Variants in NMU observed in about 807,000 individuals in gnomAD.
NMU encodes neuromedin-U.
A neutral mutation model predicts 35.4 loss-of-function variants in NMU; 29 were observed. The ratio of observed to expected loss-of-function variants is 0.82; its 90% CI spans 0.61 to 1.12. The LOEUF (loss-of-function observed/expected upper bound fraction) is 1.12. Ranked by LOEUF, NMU falls within the 50% of genes most tolerant of loss-of-function variation. NMU has a pLI of 0.00. For synonymous variants in NMU, 78 were observed against 81.3 expected (o/e 0.96, Z 0.22); for missense variants, 199 against 206.2 (o/e 0.97, Z 0.21).
intron 1 of NMU, among the ~76,000 whole-genome samples, chr4:55,634,955 T>TA (rs1715821911): frequency 6.6e-6 from 1 of 152,082 alleles, no homozygotes; most frequent in Admixed American, 6.5e-5. Context: ...AGGAGAATAA[T>TA]AAAAATACAT....
intron 3 of NMU, among the ~76,000 whole-genome samples, chr4:55,614,666 T>A (rs1040534697): frequency 3.9e-5 from 6 of 152,200 alleles, no homozygotes; most frequent in African/African-American, 1.4e-4. Context: ...ACTAAGCTCC[T>A]CTTGAAAGAG....
chr4:55,602,167 T>C (rs1274754530), intron 7 of NMU, among the ~76,000 whole-genome samples: 1 of 152,164 alleles, frequency 6.6e-6, no homozygotes, highest in Non-Finnish European at 1.5e-5. Flanking sequence ...TAGAGCATCA[T>C]ATAAAATAAT....
At chr4:55,596,187 A>G (rs1303282816) in intron 9 of NMU, among the ~76,000 whole-genome samples, 3 of 152,158 alleles carry the variant, frequency 2.0e-5, no homozygotes. Flanking sequence ...CTAAATAAAT[A>G]TAGGTCATCA....
rs1249067129 is a variant in NMU, at chr4:55,636,108, G to C, written c.85C>G (p.Leu29Val). 7 of 1,466,600 alleles carry C rather than the reference G, an allele frequency of 4.8e-6. No individual in the cohort carries two copies. Among genetic ancestry groups the C allele is most frequent in the Non-Finnish European group, 6.3e-6 (7 of 1,106,944 alleles). 90.8% of individuals were successfully genotyped at this position (1,466,600 alleles called of 1,614,324 possible). Residue 29 changes from leucine (L) to valine (V), a missense_variant, in exon 1 of 10, where the codon CTC becomes GTC. Transcript: ENST00000264218. The surrounding 1 kb of genome is among the most constrained non-coding windows in gnomAD (Gnocchi z 4.0). ...ASPLLLLLLL[L>V]AWCAGACRGA... Reference sequence around the variant, plus strand: ...CGGCAGGCGCCCGCGCACCAGGCGAGCAGCAGCAGCAGCAGCAGGAGCGGG... The same window carrying C: ...CGGCAGGCGCCCGCGCACCAGGCGACCAGCAGCAGCAGCAGCAGGAGCGGG...
chr4:55,605,404 A>G, intron 6 of NMU, 55 bp from the exon 7 acceptor site: 1 of 1,220,330 alleles, frequency 8.2e-7, no homozygotes, highest in Non-Finnish European at 1.2e-6. Flanking sequence ...AGCAGTGGCC[A>G]TCAAGACGGT....
chr4:55,634,783 G>A (rs1000618811), intron 1 of NMU, among the ~76,000 whole-genome samples: 2 of 152,096 alleles, frequency 1.3e-5, no homozygotes, highest in Non-Finnish European at 2.9e-5. Flanking sequence ...ATCACTACTG[G>A]CTATGTGGAG....
intron 7 of NMU, among the ~76,000 whole-genome samples, chr4:55,601,532 A>G (rs772436432): frequency 6.6e-6 from 1 of 152,172 alleles, no homozygotes; most frequent in East Asian, 1.9e-4. Context: ...AAAAATCTGT[A>G]TTTAAAAATG....
At chr4:55,629,397 G>A (rs1734669452) in intron 2 of NMU, among the ~76,000 whole-genome samples, 1 of 151,574 alleles carries the variant, frequency 6.6e-6, no homozygotes. Context: ...GAGGTGGGTG[G>A]ATCATGAGGT....
At chr4:55,632,687 C>T (rs1309601601) in intron 1 of NMU, among the ~76,000 whole-genome samples, 1 of 152,156 alleles carries the variant, frequency 6.6e-6, no homozygotes, top group Non-Finnish European at 1.5e-5. Context: ...AAATGAGATT[C>T]TGTTTGACAC....
chr4:55,618,854 TTC>T (rs774425529), intron 2 of NMU, among the ~76,000 whole-genome samples: 1 of 150,628 alleles, frequency 6.6e-6, no homozygotes, highest in African/African-American at 2.4e-5. Flanking sequence ...TCTTTCTTTC[TTC>T]TCTCTCTCTT....
intron 2 of NMU, among the ~76,000 whole-genome samples, chr4:55,625,169 T>TAAAA (rs760890031): frequency 7.0e-4 from 69 of 98,320 alleles, no homozygotes; most frequent in African/African-American, 9.0e-4. Flanking sequence ...AAAGTATAAT[T>TAAAA]AAAAAAAAAA....
In NMU at chr4:55,604,679, A is replaced by ATTTTTTTTTTTTTT. The variant is rs767568542; in HGVS notation, c.435+582_435+595dup. On this transcript the variant is annotated intron_variant, in intron 7 of 9. Transcript: ENST00000264218. ...AGGCATGCGCCAATATGCCTGGCTA[A>ATTTTTTTTTTTTTT]TTTTTTTTTTTTTTTTTTTTTTTTT... is the stretch of plus-strand genomic sequence containing the variant. Among the ~76,000 whole-genome samples, 258 of 47,606 alleles carry ATTTTTTTTTTTTTT rather than the reference A, an allele frequency of 5.4e-3. 5 individuals are homozygous for ATTTTTTTTTTTTTT. Among genetic ancestry groups the ATTTTTTTTTTTTTT allele is most frequent in the African/African-American group, 6.1e-3 (52 of 8,584 alleles). The allele number at this position is 47,606 out of a possible 152,430, so 31.2% of individuals were successfully genotyped here. A position where few individuals can be genotyped will look rare whatever the true frequency, so the allele number is the denominator to read the frequency against.
At chr4:55,596,577 T>C (rs1201729058) in intron 9 of NMU, among the ~76,000 whole-genome samples, 1 of 152,076 alleles carries the variant, frequency 6.6e-6, no homozygotes, top group Non-Finnish European at 1.5e-5. Flanking sequence ...CTTTGTTCCT[T>C]GAAAAAATAC....
At chr4:55,632,522 T>A (rs1253516470) in intron 1 of NMU, among the ~76,000 whole-genome samples, 1 of 152,124 alleles carries the variant, frequency 6.6e-6, no homozygotes, top group African/African-American at 2.4e-5. Context: ...GTAAACAATC[T>A]TACACACTTC....
intron 8 of NMU, among the ~76,000 whole-genome samples, chr4:55,599,475 A>T (rs1217671640): frequency 1.3e-5 from 2 of 152,128 alleles, no homozygotes; most frequent in African/African-American, 4.8e-5. Flanking sequence ...AACATTTTAA[A>T]ACAAATGTTC....
intron 1 of NMU, among the ~76,000 whole-genome samples, chr4:55,631,634 G>C (rs1405031955): frequency 1.3e-5 from 2 of 152,090 alleles, no homozygotes; most frequent in African/African-American, 4.8e-5. Flanking sequence ...ACTCCTGCAA[G>C]AACAGCCATA....
At chr4:55,616,541 A>G (rs564376310) in intron 2 of NMU, among the ~76,000 whole-genome samples, 156 bp from the exon 3 acceptor site, 17 of 152,282 alleles carry the variant, frequency 1.1e-4, no homozygotes, top group African/African-American at 4.1e-4. Context: ...AAAACTTTAT[A>G]AGAGAGTCTT....
rs1356766437 is a variant in NMU, at chr4:55,636,161, G to A, written c.32C>T (p.Ser11Leu). The change falls in exon 1 of 10, where the codon TCG becomes TTG. Residue 11 changes from serine (S) to leucine (L), a missense_variant. Physicochemically the swap from Ser to Leu is moderately radical, Grantham distance 145. Transcript: ENST00000264218. This position sits in a 1 kb window ranked among gnomAD's most constrained non-coding sequence, Gnocchi z 4.0. MLRTESCRPR[S>L]PAGQVAAASP... ...CGCCGCGGCCACCTGTCCGGCGGGC[G>A]ACCTGGGGCGGCAGCTCTCTGTTCG... is the stretch of plus-strand genomic sequence containing the variant. 17 of 1,512,848 alleles carry A rather than the reference G, an allele frequency of 1.1e-5. No homozygotes were observed. The East Asian group carries it at 4.0e-4, about 36-fold the overall frequency. The allele number at this position is 1,512,848 out of a possible 1,614,324, so 93.7% of individuals were successfully genotyped here. A position where few individuals can be genotyped will look rare whatever the true frequency, so the allele number is the denominator to read the frequency against.
Position 55,604,015 on chromosome 4 carries a change from G to GTGTATATATACACA in NMU, c.435+1259_435+1260insTGTGTATATATACA, listed in dbSNP as rs1450268492. Among the ~76,000 whole-genome samples the GTGTATATATACACA allele has an allele frequency of 2.3e-5, 3 of 131,380 alleles. 1 individual carries two copies. The highest frequency in any genetic ancestry group is 4.8e-4 in the South Asian group (2 of 4,148). 86.2% of individuals were successfully genotyped at this position (131,380 alleles called of 152,430 possible). A position where few individuals can be genotyped will look rare whatever the true frequency, so the allele number is the denominator to read the frequency against. On this transcript the variant is annotated intron_variant, in intron 7 of 9. Transcript: ENST00000264218. Reference sequence around the variant, plus strand: ...TATATATACGTATATATGTATATATGTGTATATATATAATCCTAGAAATTA... The same window carrying GTGTATATATACACA: ...TATATATACGTATATATGTATATATGTGTATATATACACATGTATATATATAATCCTAGAAATTA...
Sources: gnomAD v4.1 joint callset for allele counts (sites outside exome capture counted in the v4.1 genomes callset) on GRCh38, gnomAD v4.1.1 for gene constraint, Gnocchi (gnomAD v3.1) non-coding constraint, MANE v1.5 for transcripts, NCBI Gene and HGNC (gene_info 2026-07-23, HGNC 2026-07-21) for gene names.